The following PLA2G4A variants were observed in gnomAD, a reference collection of about 807,000 sequenced individuals.
PLA2G4A encodes the protein cytosolic phospholipase A2.
PLA2G4A carries 40 observed loss-of-function variants against 81.9 expected under a neutral mutation model. The observed-to-expected ratio is 0.49, with a 90% CI of 0.38 to 0.64. PLA2G4A has a LOEUF of 0.64. Ranked by LOEUF, PLA2G4A falls within the 30% of genes least tolerant of loss-of-function variation. The pLI, the probability that PLA2G4A is intolerant of heterozygous loss-of-function variation, is 0.00. For synonymous variants in PLA2G4A, 302 were observed against 296.9 expected (o/e 1.02, Z -0.18); for missense variants, 715 against 905.1 (o/e 0.79, Z 2.69).
intron 8 of PLA2G4A, 39 bp from the exon 9 acceptor site, chr1:186,938,969 C>T: frequency 9.7e-7 from 1 of 1,032,434 alleles, no homozygotes; most frequent in East Asian, 2.4e-5. Context: ...TTGTGTAATG[C>T]TCTTTATCTT....
intron 1 of PLA2G4A, among the ~76,000 whole-genome samples, chr1:186,851,080 C>T (rs1652356859): frequency 6.6e-6 from 1 of 151,924 alleles, no homozygotes; most frequent in Non-Finnish European, 1.5e-5. Flanking sequence ...AGCAAGTAAC[C>T]TGGGTCTTAG....
intron 3 of PLA2G4A, among the ~76,000 whole-genome samples, chr1:186,891,176 G>C (rs926597951): frequency 6.6e-6 from 1 of 150,596 alleles, no homozygotes. Context: ...AATTTTTATG[G>C]GTACATAGTA....
chr1:186,837,748 A>AAAG (rs1651837216), intron 1 of PLA2G4A, among the ~76,000 whole-genome samples: 1 of 148,178 alleles, frequency 6.7e-6, no homozygotes, highest in African/African-American at 2.5e-5. Context: ...AAAAAAAAAA[A>AAAG]AAAAGAAAAA....
intron 14 of PLA2G4A, among the ~76,000 whole-genome samples, chr1:186,957,017 C>T (rs10911972): frequency 0.76 from 116,087 of 151,750 alleles, 46,207 homozygotes; most frequent in South Asian, 0.89. Flanking sequence ...GGTGAAACCC[C>T]GTCTCTACTA....
At chr1:186,861,893 T>TC (rs1476697012) in intron 2 of PLA2G4A, among the ~76,000 whole-genome samples, 2 of 151,998 alleles carry the variant, frequency 1.3e-5, no homozygotes, top group African/African-American at 4.8e-5. Context: ...CATTGAAGGC[T>TC]GTGTGCTCAG....
Position 186,949,371 on chromosome 1 carries a change from A to G in PLA2G4A, c.1265-1286A>G, listed in dbSNP as rs867082120. 5.5e-4 allele frequency among the ~76,000 whole-genome samples: 17 copies of G among 30,782 alleles called. 1 individual carries two copies. Among genetic ancestry groups the G allele is most frequent in the African/African-American group, 2.0e-3 (14 of 6,932 alleles). 20.2% of individuals were successfully genotyped at this position (30,782 alleles called of 152,430 possible). ...GAGAAAGAAAGAAAGAGAAAGAAAGAAAAGAAAGAAAGAAAGAAAAAAGAA... is the reference window on the plus strand; with the variant it reads ...GAGAAAGAAAGAAAGAGAAAGAAAGGAAAGAAAGAAAGAAAGAAAAAAGAA... On this transcript the variant is annotated intron_variant, in intron 12 of 17. Coordinates refer to ENST00000367466, the MANE Select transcript of PLA2G4A (RefSeq NM_024420.3).
At position 186,933,014 on chromosome 1, in the gene PLA2G4A, GA is replaced by G. The variant is rs1474681249; in HGVS notation, c.695+118del. 42 of 792,256 alleles carry G rather than the reference GA, an allele frequency of 5.3e-5. No individual in the cohort carries two copies. In the African/African-American group the frequency reaches 6.9e-4, roughly 13 times the overall value. The allele number at this position is 792,256 out of a possible 1,614,324, so 49.1% of individuals were successfully genotyped here. On this transcript the variant is annotated intron_variant, in intron 8 of 17. Transcript: ENST00000367466. ...AAATTGATCATTAATTTAAATTACT[GA>G]AACTTTCCAGTTTGATGCCACAATC...
At chr1:186,934,440 G>GCACACACACACACACACA (rs148141099) in intron 8 of PLA2G4A, among the ~76,000 whole-genome samples, 2 of 70,974 alleles carry the variant, frequency 2.8e-5, no homozygotes, top group Non-Finnish European at 4.5e-5. Flanking sequence ...TTTTAAATGT[G>GCACACACACACACACACA]CACATATATA....
At chr1:186,976,157 C>T (rs955892655) in intron 15 of PLA2G4A, among the ~76,000 whole-genome samples, 2 of 152,122 alleles carry the variant, frequency 1.3e-5, no homozygotes, top group African/African-American at 4.8e-5. Context: ...AATCCCATAA[C>T]AACAAAAACC....
At chr1:186,922,030 CTGT>C (rs928962180) in intron 7 of PLA2G4A, among the ~76,000 whole-genome samples, 4 of 152,128 alleles carry the variant, frequency 2.6e-5, no homozygotes, top group Non-Finnish European at 4.4e-5. Flanking sequence ...TTAAGTTTTC[CTGT>C]TGTTATAGTG....
chr1:186,893,390 GA>G (rs1212222955), intron 4 of PLA2G4A, among the ~76,000 whole-genome samples: 4 of 152,120 alleles, frequency 2.6e-5, no homozygotes, highest in Non-Finnish European at 1.5e-5. Context: ...GTGCTTTGGA[GA>G]AAACATATTT....
chr1:186,881,441 G>A (rs544313317), intron 3 of PLA2G4A, among the ~76,000 whole-genome samples: 1 of 152,098 alleles, frequency 6.6e-6, no homozygotes, highest in South Asian at 2.1e-4. Context: ...AACCACATTG[G>A]ATTCTTCACT....
At chr1:186,897,077 A>G (rs567960275) in intron 5 of PLA2G4A, among the ~76,000 whole-genome samples, 34 of 152,356 alleles carry the variant, frequency 2.2e-4, no homozygotes, top group East Asian at 5.8e-4. Flanking sequence ...GGTTATGGCA[A>G]CACAGTGGAG....
chr1:186,869,476 A>C (rs967992062), intron 2 of PLA2G4A, among the ~76,000 whole-genome samples: 2 of 152,200 alleles, frequency 1.3e-5, no homozygotes, highest in African/African-American at 2.4e-5. Context: ...TGATTTCTAC[A>C]GAAGCTATTG....
chr1:186,961,128 T>G lies in PLA2G4A; in HGVS notation c.1580-4281T>G, dbSNP rs376824397. Among the ~76,000 whole-genome samples, 148 of 151,034 alleles carry G rather than the reference T, an allele frequency of 9.8e-4. No individual in the cohort carries two copies. The South Asian group carries it at 0.011, about 11-fold the overall frequency. On this transcript the variant is annotated intron_variant, in intron 14 of 17. Transcript: ENST00000367466. ...CACTGTTATGTGCAATCTAAAAAAGTTGAACTCAGAAGTAGAAAATAGGGT... is the reference window on the plus strand; with the variant it reads ...CACTGTTATGTGCAATCTAAAAAAGGTGAACTCAGAAGTAGAAAATAGGGT...
chr1:186,920,293 CA>C (rs1466438239), intron 7 of PLA2G4A, among the ~76,000 whole-genome samples: 1 of 152,134 alleles, frequency 6.6e-6, no homozygotes, highest in African/African-American at 2.4e-5. Context: ...GGGCAAGGGA[CA>C]GTCAGAAATA....
intron 5 of PLA2G4A, among the ~76,000 whole-genome samples, chr1:186,906,111 T>TA (rs1380581058): frequency 6.6e-6 from 1 of 152,206 alleles, no homozygotes; most frequent in Non-Finnish European, 1.5e-5. Context: ...GGTAACCTGA[T>TA]ACAATAAAAA....
At chr1:186,932,531 C>A (rs1440731102) in intron 7 of PLA2G4A, among the ~76,000 whole-genome samples, 2 of 152,014 alleles carry the variant, frequency 1.3e-5, no homozygotes, top group African/African-American at 4.8e-5. Flanking sequence ...GAACTCCTGA[C>A]TTCAGGTGAT....
At position 186,983,651 on chromosome 1, in the gene PLA2G4A, A is replaced by G. The variant is rs547280289; in HGVS notation, c.2118+4179A>G. Among the ~76,000 whole-genome samples the G allele has an allele frequency of 2.6e-5, 4 of 151,892 alleles. No individual in the cohort carries two copies. In the East Asian group the frequency reaches 7.7e-4, roughly 29 times the overall value. On this transcript the variant is annotated intron_variant, in intron 17 of 17. Coordinates refer to ENST00000367466, the MANE Select transcript of PLA2G4A (RefSeq NM_024420.3). ...ACTCAATTCTCCCAAATTCCTTTTCACTGAACATTGTCTCAATGCTTGTAC... is the reference window on the plus strand; with the variant it reads ...ACTCAATTCTCCCAAATTCCTTTTCGCTGAACATTGTCTCAATGCTTGTAC...
Sources: allele counts gnomAD v4.1 joint callset (sites outside exome capture counted in the v4.1 genomes callset), GRCh38; gene constraint gnomAD v4.1.1; transcripts MANE v1.5; gene names NCBI Gene and HGNC (gene_info 2026-07-23, HGNC 2026-07-21).